Variants in COL5A2 observed in about 807,000 individuals in gnomAD.
The protein encoded by COL5A2 is collagen type V alpha 2 chain.
Under a neutral mutation model 208.2 loss-of-function variants are expected in COL5A2, and 23 were observed. That is an observed-to-expected ratio of 0.11 (90% CI 0.08 to 0.16). The LOEUF (loss-of-function observed/expected upper bound fraction) is 0.16. Ranked by LOEUF, COL5A2 falls within the 10% of genes least tolerant of loss-of-function variation. COL5A2 has a pLI of 1.00. For synonymous variants in COL5A2, 625 were observed against 628.5 expected (o/e 0.99, Z 0.08); for missense variants, 1,590 against 1,956.4 (o/e 0.81, Z 3.53).
At chr2:189,380,329 A>G in the COL5A2 span, among the ~76,000 whole-genome samples, 6 of 151,972 alleles carry the variant, frequency 3.9e-5, no homozygotes, top group Non-Finnish European at 8.8e-5. Flanking sequence ...TATCTAAAAG[A>G]ATAACAACAG....
At chr2:189,133,495 C>T (rs890227203) in intron 1 of COL5A2, among the ~76,000 whole-genome samples, 46 of 152,214 alleles carry the variant, frequency 3.0e-4, no homozygotes, top group African/African-American at 1.0e-3. Context: ...TTTAATCAGA[C>T]ATCTTGAACA....
chr2:189,096,042 T>C lies in COL5A2; in HGVS notation c.456+1235A>G, dbSNP rs535161255. The C allele has an allele frequency of 2.0e-5, 3 of 152,256 alleles. No individual in the cohort carries two copies. In the East Asian group the frequency reaches 5.8e-4, roughly 29 times the overall value. The allele number at this position is 152,256 out of a possible 1,614,324, so 9.4% of individuals were successfully genotyped here. On this transcript the variant is annotated intron_variant, in intron 6 of 53. Transcript: ENST00000374866. ...CCCCGTTTAAGAAAAAGTACTGACA[T>C]CACACTATATATGAGGTGAAATGAG...
the COL5A2 span, among the ~76,000 whole-genome samples, chr2:189,345,799 C>T: frequency 6.6e-6 from 1 of 152,084 alleles, no homozygotes; most frequent in Middle Eastern, 3.4e-3. Context: ...TAATGTAGCC[C>T]AATTTATGCA....
At chr2:189,354,081 T>A in the COL5A2 span, among the ~76,000 whole-genome samples, 1 of 152,200 alleles carries the variant, frequency 6.6e-6, no homozygotes. Context: ...ATGGATTAAG[T>A]TTATTGATTT....
In COL5A2 at chr2:189,104,292, G is replaced by T; in HGVS notation, c.323-15C>A. 1 of 1,471,538 alleles carries T rather than the reference G, an allele frequency of 6.8e-7. No homozygotes were observed. The highest frequency in any genetic ancestry group is 1.1e-5 in the South Asian group (1 of 88,148). 91.2% of individuals were successfully genotyped at this position (1,471,538 alleles called of 1,614,324 possible). On this transcript the variant is annotated splice_polypyrimidine_tract_variant and intron_variant, in intron 2 of 53. Transcript: ENST00000374866. ...TCTTCCTCTACCTGTAAAAAGAAAAGAGTAAATGTGTTATTTTATGAGGAA... is the reference window on the plus strand; with the variant it reads ...TCTTCCTCTACCTGTAAAAAGAAAATAGTAAATGTGTTATTTTATGAGGAA...
chr2:189,036,537 A>G (rs1017723153), intron 52 of COL5A2, 79 bp downstream of exon 52: 11 of 1,207,246 alleles, frequency 9.1e-6, no homozygotes, highest in Non-Finnish European at 1.3e-5. Flanking sequence ...AAAAAATAGC[A>G]AAGTCCTAAA....
intron 7 of COL5A2, among the ~76,000 whole-genome samples, chr2:189,089,799 T>C (rs940154398): frequency 1.3e-5 from 2 of 152,194 alleles, no homozygotes; most frequent in Non-Finnish European, 2.9e-5. Context: ...GTAGTTGTTT[T>C]AGGTGCCTTG....
At chr2:189,245,739 G>T in the COL5A2 span, among the ~76,000 whole-genome samples, 1 of 152,270 alleles carries the variant, frequency 6.6e-6, no homozygotes, top group African/African-American at 2.4e-5. Context: ...CTCCCAAAGT[G>T]CTGGGGATCT....
At chr2:189,436,890 C>T in the COL5A2 span, among the ~76,000 whole-genome samples, 2 of 152,192 alleles carry the variant, frequency 1.3e-5, no homozygotes, top group East Asian at 3.9e-4. Flanking sequence ...GGAAGAATAG[C>T]TAATTTGATG....
chr2:189,399,552 C>T, the COL5A2 span, among the ~76,000 whole-genome samples: 2 of 152,052 alleles, frequency 1.3e-5, no homozygotes, highest in African/African-American at 4.8e-5. Context: ...ACCCTGCCTA[C>T]ATTCGTTTTT....
At chr2:189,053,970 G>A (rs767731521) in intron 36 of COL5A2, 22 bp from the exon 37 acceptor site, 6 of 1,611,456 alleles carry the variant, frequency 3.7e-6, no homozygotes, top group African/African-American at 2.7e-5. Flanking sequence ...ATTTTAGATG[G>A]TTACTGTCCA....
At chr2:189,102,595 T>C (rs1337384334) in intron 3 of COL5A2, among the ~76,000 whole-genome samples, 1 of 152,112 alleles carries the variant, frequency 6.6e-6, no homozygotes, top group African/African-American at 2.4e-5. Context: ...CAGATGTGCA[T>C]TACAATTACT....
At chr2:189,083,858 C>T (rs1465996518) in intron 12 of COL5A2, 126 bp downstream of exon 12, 7 of 749,262 alleles carry the variant, frequency 9.3e-6, no homozygotes, top group East Asian at 5.2e-5. Flanking sequence ...TACATTTTTA[C>T]GGAAACAAAC....
the COL5A2 span, among the ~76,000 whole-genome samples, chr2:189,302,237 A>G: frequency 6.6e-6 from 1 of 152,184 alleles, no homozygotes; most frequent in Non-Finnish European, 1.5e-5. Context: ...TAATTCTGAG[A>G]TGTAAACATC....
chr2:189,333,522 G>A, the COL5A2 span, among the ~76,000 whole-genome samples: 2 of 152,120 alleles, frequency 1.3e-5, no homozygotes, highest in South Asian at 2.1e-4. Flanking sequence ...GTAGCTATAT[G>A]TTATGAGTTG....
At chr2:189,103,416 A>T (rs950939650) in intron 3 of COL5A2, among the ~76,000 whole-genome samples, 2 of 152,020 alleles carry the variant, frequency 1.3e-5, no homozygotes, top group African/African-American at 4.8e-5. Context: ...TTATCTGATA[A>T]ATCATTTTAT....
chr2:189,361,229 T>C, the COL5A2 span, among the ~76,000 whole-genome samples: 1 of 152,172 alleles, frequency 6.6e-6, no homozygotes, highest in East Asian at 1.9e-4. Context: ...ACTATTACTG[T>C]GTTGCAGTCA....
chr2:189,374,857 T>C, the COL5A2 span, among the ~76,000 whole-genome samples: 3 of 152,286 alleles, frequency 2.0e-5, no homozygotes, highest in East Asian at 5.8e-4. Flanking sequence ...TTTCACACTA[T>C]GGATCTCTTT....
chr2:189,260,609 C>T, the COL5A2 span, among the ~76,000 whole-genome samples: 2 of 152,282 alleles, frequency 1.3e-5, no homozygotes, highest in East Asian at 3.9e-4. Flanking sequence ...CCATGACCTA[C>T]ACCACAGACA....
Sources: gnomAD v4.1 joint callset for allele counts (sites outside exome capture counted in the v4.1 genomes callset) on GRCh38, gnomAD v4.1.1 for gene constraint, MANE v1.5 for transcripts, NCBI Gene and HGNC (gene_info 2026-07-23, HGNC 2026-07-21) for gene names.